The following KLC1 variants were observed in gnomAD, a reference collection of about 807,000 sequenced individuals.
The protein encoded by KLC1 is kinesin light chain 1.
Under a neutral mutation model 84.2 loss-of-function variants are expected in KLC1, and 30 were observed. The observed-to-expected ratio is 0.36, with a 90% CI of 0.27 to 0.48. The LOEUF is 0.48. Ranked by LOEUF, KLC1 falls within the 20% of genes least tolerant of loss-of-function variation. The pLI, the probability that KLC1 is intolerant of heterozygous loss-of-function variation, is 0.99. For synonymous variants in KLC1, 289 were observed against 293.3 expected, an observed-to-expected ratio of 0.99 and a Z score of 0.15; for missense variants, 499 against 805.4, an observed-to-expected ratio of 0.62 and a Z score of 4.60.
chr14:103,668,922 C>T (rs573190442), intron 5 of KLC1, among the ~76,000 whole-genome samples: 6 of 151,462 alleles, frequency 4.0e-5, no homozygotes, highest in African/African-American at 7.3e-5. Flanking sequence ...GGACTAAAGC[C>T]GCCTGCTACC....
intron 1 of KLC1, among the ~76,000 whole-genome samples, chr14:103,652,716 C>G (rs1198112428): frequency 1.3e-5 from 2 of 152,148 alleles, no homozygotes; most frequent in Non-Finnish European, 2.9e-5. Context: ...TGGTCTCGAA[C>G]TCTTGACCTC....
In KLC1 at chr14:103,629,427, C is replaced by G. The variant is rs1476848189; in HGVS notation, c.-69C>G. On this transcript the variant is annotated 5_prime_UTR_variant, in exon 1 of 17. Transcript: ENST00000334553. ...CGGGCTCGGCGCACAGTCGCTGCTC[C>G]GCGCGCGCGCCCGGCGGCGCTCCAG... The G allele has an allele frequency of 1.3e-5, 2 of 152,154 alleles. No individual in the cohort carries two copies. The highest frequency in any genetic ancestry group is 1.5e-5 in the Non-Finnish European group (1 of 68,064). The allele number at this position is 152,154 out of a possible 1,614,324, so 9.4% of individuals were successfully genotyped here. A position where few individuals can be genotyped will look rare whatever the true frequency, so the allele number is the denominator to read the frequency against.
At chr14:103,650,082 G>A (rs1028754667) in intron 1 of KLC1, among the ~76,000 whole-genome samples, 2 of 152,028 alleles carry the variant, frequency 1.3e-5, no homozygotes, top group African/African-American at 2.4e-5. Context: ...TTGGTCTCAC[G>A]GAGTAAATAA....
chr14:103,701,114 T>G, intron 16 of KLC1, 87 bp from the exon 17 acceptor site: 1 of 1,489,534 alleles, frequency 6.7e-7, no homozygotes, highest in Non-Finnish European at 9.2e-7. Flanking sequence ...GGGGTGGGGG[T>G]TCCCCAGAGA....
At chr14:103,690,051 A>G (rs1270338212) in intron 14 of KLC1, among the ~76,000 whole-genome samples, 8 of 152,024 alleles carry the variant, frequency 5.3e-5, no homozygotes, top group African/African-American at 1.9e-4. Context: ...CAGGTGGTGC[A>G]TGCCTGTGGT....
chr14:103,645,093 C>A (rs1308746618), intron 1 of KLC1, among the ~76,000 whole-genome samples: 3 of 152,138 alleles, frequency 2.0e-5, no homozygotes, highest in Admixed American at 1.3e-4. Context: ...CCTGCCTCAG[C>A]CTCTCAAGTA....
At chr14:103,636,663 T>A (rs947566130) in intron 1 of KLC1, among the ~76,000 whole-genome samples, 26 of 152,232 alleles carry the variant, frequency 1.7e-4, no homozygotes, top group Admixed American at 7.9e-4. Context: ...AAGTGTCTGT[T>A]CAAGACTTTT....
intron 13 of KLC1, chr14:103,685,848 A>G (rs1470091879): frequency 1.7e-6 from 2 of 1,182,078 alleles, no homozygotes; most frequent in Admixed American, 7.6e-5. Context: ...TTTGCCAGAT[A>G]TGTACTTAGT....
intron 14 of KLC1, among the ~76,000 whole-genome samples, chr14:103,688,940 T>A (rs1393609429): frequency 6.6e-6 from 1 of 152,232 alleles, no homozygotes; most frequent in African/African-American, 2.4e-5. Context: ...GATCTTATTT[T>A]AAAATGTTTA....
chr14:103,690,474 G>A (rs2082034798), intron 14 of KLC1, among the ~76,000 whole-genome samples: 1 of 152,194 alleles, frequency 6.6e-6, no homozygotes, highest in African/African-American at 2.4e-5. Context: ...TGTGCCAGGC[G>A]CTGTGCTCAC....
In KLC1 at chr14:103,635,682, A is replaced by G. The variant is rs577272409; in HGVS notation, c.-2+6188A>G. The stretch of plus-strand genomic sequence containing the variant: ...GGTAGGAGAATCACTTGAACCCGGG[A>G]GGCGGAGGTTGCAGTGAGCCAGATC... On this transcript the variant is annotated intron_variant, in intron 1 of 16. Transcript: ENST00000334553. 9.4e-4 allele frequency among the ~76,000 whole-genome samples: 143 copies of G among 152,024 alleles called. 1 individual carries two copies. Among genetic ancestry groups the G allele is most frequent in the Middle Eastern group, 3.4e-3 (1 of 294 alleles).
chr14:103,670,406 G>A (rs372534547), intron 7 of KLC1, 123 bp downstream of exon 7: 7 of 585,830 alleles, frequency 1.2e-5, no homozygotes, highest in African/African-American at 5.7e-5. Flanking sequence ...GCGTGATCTC[G>A]GCTCACTGCA....
At chr14:103,697,245 G>C in intron 15 of KLC1, 3 of 421,880 alleles carry the variant, frequency 7.1e-6, no homozygotes, top group Non-Finnish European at 9.5e-6. Flanking sequence ...CTTAACTTTA[G>C]GGTCATAGAG....
At chr14:103,692,286 T>TG in intron 14 of KLC1, 73 bp from the exon 15 acceptor site, 1 of 1,422,912 alleles carries the variant, frequency 7.0e-7, no homozygotes, top group Non-Finnish European at 9.6e-7. Flanking sequence ...GAGGGGGCTT[T>TG]GCTTGTGCTT....
intron 13 of KLC1, among the ~76,000 whole-genome samples, chr14:103,680,699 G>A (rs959914284): frequency 6.6e-6 from 1 of 152,114 alleles, no homozygotes; most frequent in Non-Finnish European, 1.5e-5. Flanking sequence ...ATCCTGGCCC[G>A]CAGGCCTCCC....
chr14:103,698,734 TTA>T, intron 15 of KLC1: 1 of 1,470,764 alleles, frequency 6.8e-7, no homozygotes, highest in Middle Eastern at 2.3e-4. Flanking sequence ...CAGACGCGTT[TTA>T]AAGGCCCGAG....
intron 2 of KLC1, among the ~76,000 whole-genome samples, chr14:103,655,403 A>G (rs1366806883): frequency 2.0e-5 from 3 of 151,552 alleles, no homozygotes; most frequent in Non-Finnish European, 4.4e-5. Context: ...CCTGGGCTCA[A>G]ATGATTCTCC....
At chr14:103,660,103 T>G (rs2079152818) in intron 3 of KLC1, among the ~76,000 whole-genome samples, 1 of 152,162 alleles carries the variant, frequency 6.6e-6, no homozygotes. Flanking sequence ...GAACACAGTT[T>G]AGTTGACAGC....
intron 5 of KLC1, among the ~76,000 whole-genome samples, chr14:103,664,629 C>G (rs953872755): frequency 3.3e-5 from 5 of 150,998 alleles, no homozygotes; most frequent in African/African-American, 1.2e-4. Flanking sequence ...ATCTTCCTGC[C>G]TCACCTTCCT....
Sources: gnomAD v4.1 joint callset for allele counts (sites outside exome capture counted in the v4.1 genomes callset) on GRCh38, gnomAD v4.1.1 for gene constraint, MANE v1.5 for transcripts, NCBI Gene and HGNC (gene_info 2026-07-23, HGNC 2026-07-21) for gene names.